The following PCDH15 variants were observed in gnomAD, a reference collection of about 807,000 sequenced individuals.
The protein encoded by PCDH15 is protocadherin-15.
PCDH15 carries 129 observed loss-of-function variants against 178.5 expected under a neutral mutation model. The observed-to-expected ratio is 0.72, with a 90% CI of 0.63 to 0.84. The LOEUF is 0.84. Ranked by LOEUF, PCDH15 falls within the 40% of genes least tolerant of loss-of-function variation. The pLI, the probability that PCDH15 is intolerant of heterozygous loss-of-function variation, is 0.00. For synonymous variants in PCDH15, 800 were observed against 732.0 expected (o/e 1.09, Z -1.50); for missense variants, 2,230 against 2,099.9 (o/e 1.06, Z -1.21).
chr10:54,681,186 A>G (rs559628492), intron 1 of PCDH15, among the ~76,000 whole-genome samples: 3 of 152,164 alleles, frequency 2.0e-5, no homozygotes, highest in Non-Finnish European at 4.4e-5. Context: ...GATCCTCCCT[A>G]TTGGGGAGCG....
chr10:54,116,386 G>A (rs933066810), intron 15 of PCDH15, among the ~76,000 whole-genome samples: 2 of 152,166 alleles, frequency 1.3e-5, no homozygotes, highest in African/African-American at 4.8e-5. Flanking sequence ...CCACAGTGAA[G>A]GGAAGCACAG....
Position 54,020,789 on chromosome 10 carries a change from C to T in PCDH15, c.2527-373G>A, listed in dbSNP as rs185523918. Among the ~76,000 whole-genome samples the T allele has an allele frequency of 4.3e-4, 65 of 152,040 alleles. No homozygotes were observed. The East Asian group carries it at 7.7e-3, about 18-fold the overall frequency. On this transcript the variant is annotated intron_variant, in intron 19 of 37. Coordinates refer to ENST00000644397, the MANE Select transcript of PCDH15 (RefSeq NM_001384140.1). ...AAAAAATAAATATTGTCTTAAATGACTGTTTCTTATTTTCTACTGATTTGA... is the reference window on the plus strand; with the variant it reads ...AAAAAATAAATATTGTCTTAAATGATTGTTTCTTATTTTCTACTGATTTGA...
chr10:54,214,024 A>G lies in PCDH15; in HGVS notation c.1010T>C (p.Phe337Ser), dbSNP rs2051730751. 1 of 1,606,958 alleles carries G rather than the reference A, an allele frequency of 6.2e-7. No individual in the cohort carries two copies. The highest frequency in any genetic ancestry group is 1.3e-5 in the African/African-American group (1 of 74,742). Reference protein sequence around the residue: ...LVGTPEDYPRFFHMHPRTAEL... With the variant: ...LVGTPEDYPRSFHMHPRTAEL... The stretch of plus-strand genomic sequence containing the variant: ...TGCTGTCCTAGGATGCATATGGAAA[A>G]ATCGTGGGTAATCCTCAGGAGTCCC... Residue 337 changes from phenylalanine (F) to serine (S), a missense_variant, in exon 10 of 38, where the codon TTT becomes TCT. By Grantham distance (155) the Phe-to-Ser change is radical (BLOSUM62 -2). Coordinates refer to ENST00000644397, the MANE Select transcript of PCDH15 (RefSeq NM_001384140.1).
At chr10:54,943,030 G>A (rs1838102397) in intron 2 of PCDH15, among the ~76,000 whole-genome samples, 1 of 151,948 alleles carries the variant, frequency 6.6e-6, no homozygotes, top group African/African-American at 2.4e-5. Flanking sequence ...TTCCATGATT[G>A]TCAGATACTA....
chr10:53,829,080 A>G (rs914353839), intron 30 of PCDH15, among the ~76,000 whole-genome samples: 1 of 152,220 alleles, frequency 6.6e-6, no homozygotes, highest in Non-Finnish European at 1.5e-5. Flanking sequence ...TTCCATTCAT[A>G]GAAAAGTTCA....
At chr10:54,384,423 G>A (rs1384572481) in intron 3 of PCDH15, among the ~76,000 whole-genome samples, 1 of 150,606 alleles carries the variant, frequency 6.6e-6, no homozygotes, top group Non-Finnish European at 1.5e-5. Context: ...TTAGATATGT[G>A]ATTTAAAATA....
In PCDH15 at chr10:55,062,377, G is replaced by T. The variant is rs548357745; in HGVS notation, c.-80+104199C>A. 5.8e-4 allele frequency among the ~76,000 whole-genome samples: 89 copies of T among 152,216 alleles called. No individual in the cohort carries two copies. In the South Asian group the frequency reaches 0.012, roughly 21 times the overall value. ...TCCCAAACTGTAAGAAATAATTTTT[G>T]TTGTCTATAAACTACCCAGTCTATT... is the stretch of plus-strand genomic sequence containing the variant. On this transcript the variant is annotated intron_variant, in intron 2 of 5. Transcript: ENST00000458638.
chr10:54,114,759 A>T (rs528751735), intron 15 of PCDH15, among the ~76,000 whole-genome samples: 1 of 152,300 alleles, frequency 6.6e-6, no homozygotes, highest in South Asian at 2.1e-4. Context: ...AGAATATCTG[A>T]ACAAGGAGCC....
At chr10:55,081,620 G>A (rs978034341) in intron 2 of PCDH15, among the ~76,000 whole-genome samples, 2 of 152,138 alleles carry the variant, frequency 1.3e-5, no homozygotes, top group African/African-American at 4.8e-5. Context: ...TATAAAGGAT[G>A]CCTGAGAGAG....
intron 2 of PCDH15, among the ~76,000 whole-genome samples, chr10:55,341,805 A>C: frequency 6.1e-5 from 1 of 16,332 alleles, no homozygotes; most frequent in African/African-American, 2.2e-4. Context: ...ATATATATAT[A>C]TTTTTTTTTT....
At chr10:53,909,797 C>T (rs1291551734) in intron 25 of PCDH15, among the ~76,000 whole-genome samples, 1 of 152,198 alleles carries the variant, frequency 6.6e-6, no homozygotes, top group African/African-American at 2.4e-5. Context: ...GGGGACAGTG[C>T]CACCCAAATG....
chr10:55,147,691 T>C (rs7358082), intron 2 of PCDH15, among the ~76,000 whole-genome samples: 55,720 of 150,102 alleles, frequency 0.37, 10,800 homozygotes, highest in Admixed American at 0.47. Context: ...CTTTAAGTTT[T>C]AGGGTACATG....
chr10:55,410,267 G>A (rs1838299628), intron 2 of PCDH15, among the ~76,000 whole-genome samples: 1 of 151,946 alleles, frequency 6.6e-6, no homozygotes, highest in South Asian at 2.1e-4. Context: ...CACTGTATTG[G>A]CTTTCCTAGG....
intron 2 of PCDH15, among the ~76,000 whole-genome samples, chr10:55,115,754 C>T (rs1837615694): frequency 6.6e-6 from 1 of 152,078 alleles, no homozygotes; most frequent in African/African-American, 2.4e-5. Context: ...AATTTTAGCT[C>T]CTTTTCTAGA....
At chr10:55,499,577 T>G (rs1367071733) in intron 2 of PCDH15, among the ~76,000 whole-genome samples, 2 of 151,752 alleles carry the variant, frequency 1.3e-5, no homozygotes, top group Admixed American at 1.3e-4. Context: ...TTATACAATT[T>G]TTTTAATTGT....
intron 6 of PCDH15, among the ~76,000 whole-genome samples, chr10:54,341,888 G>A (rs1942295927): frequency 6.6e-6 from 1 of 152,196 alleles, no homozygotes; most frequent in South Asian, 2.1e-4. Context: ...TGGAACTTGA[G>A]AAAGATGATT....
Position 53,903,304 on chromosome 10 carries a change from T to G in PCDH15, c.3440A>C (p.Lys1147Thr), listed in dbSNP as rs2082448776. 1 of 1,613,216 alleles carries G rather than the reference T, an allele frequency of 6.2e-7. No homozygotes were observed. The highest frequency in any genetic ancestry group is 1.7e-4 in the Middle Eastern group (1 of 6,052). Residue 1147 changes from lysine to threonine, a missense_variant, in exon 26 of 38, where the codon AAA becomes ACA. Transcript: ENST00000644397. ...ENNHPPVFQK[K>T]FYIGGVSEDA... ...TTCAGATACACCTCCGATGTAGAAT[T>G]TTTTCTGAAACACTGGGGGATGATT...
At chr10:54,618,020 C>T (rs1230446006) in intron 2 of PCDH15, among the ~76,000 whole-genome samples, 3 of 151,726 alleles carry the variant, frequency 2.0e-5, no homozygotes, top group African/African-American at 7.3e-5. Context: ...TTCAGCCCAA[C>T]TGTAACTTTG....
At chr10:54,880,835 A>G (rs1954249556) in intron 3 of PCDH15, among the ~76,000 whole-genome samples, 1 of 150,772 alleles carries the variant, frequency 6.6e-6, no homozygotes, top group Non-Finnish European at 1.5e-5. Flanking sequence ...TCAGTCTTTA[A>G]TGGGATAAAG....
Sources: gnomAD v4.1 joint callset for allele counts (sites outside exome capture counted in the v4.1 genomes callset) on GRCh38, gnomAD v4.1.1 for gene constraint, MANE v1.5 for transcripts, NCBI Gene and HGNC (gene_info 2026-07-23, HGNC 2026-07-21) for gene names.